Variants in RAB30 observed in about 807,000 individuals in gnomAD.
The protein encoded by RAB30 is RAB30, member RAS oncogene family.
Under a neutral mutation model 25.1 loss-of-function variants are expected in RAB30, and 9 were observed. That is an observed-to-expected ratio of 0.36 (90% CI 0.22 to 0.63). The LOEUF (loss-of-function observed/expected upper bound fraction) is 0.63, where lower values mean the gene tolerates loss of function less well. Among genes scored for constraint, RAB30 ranks in the 20% least tolerant of loss-of-function variants. RAB30 has a pLI of 0.69. For synonymous variants in RAB30, 77 were observed against 86.4 expected, an observed-to-expected ratio of 0.89 and a Z score of 0.60; for missense variants, 140 against 243.5, an observed-to-expected ratio of 0.58 and a Z score of 2.83.
At chr11:82,998,905 A>T (rs7130643) in intron 1 of RAB30, among the ~76,000 whole-genome samples, 2,490 of 152,220 alleles carry the variant, frequency 0.016, 85 homozygotes, top group African/African-American at 0.058. Flanking sequence ...TGGAGCTCAA[A>T]TGCCTGCAGG....
In RAB30 at chr11:82,973,557, T is replaced by C. The variant is rs1856491312; in HGVS notation, c.*8608A>G. The C allele has an allele frequency of 6.6e-6, 1 of 152,222 alleles. No homozygotes were observed. The highest frequency in any genetic ancestry group is 2.1e-4 in the South Asian group (1 of 4,830). 9.4% of individuals were successfully genotyped at this position (152,222 alleles called of 1,614,324 possible). A position where few individuals can be genotyped will look rare whatever the true frequency, so the allele number is the denominator to read the frequency against. On this transcript the variant is annotated 3_prime_UTR_variant, in exon 5 of 5. Transcript: ENST00000527633. ...CAATTTCTACAAGACTGAAACAGTCTTCATGAAATTGATTGCTTATCACAT... is the reference window on the plus strand; with the variant it reads ...CAATTTCTACAAGACTGAAACAGTCCTCATGAAATTGATTGCTTATCACAT...
At chr11:83,013,716 T>C (rs957646909) in intron 1 of RAB30, among the ~76,000 whole-genome samples, 1 of 152,162 alleles carries the variant, frequency 6.6e-6, no homozygotes, top group African/African-American at 2.4e-5. Context: ...TCTGTGTGCG[T>C]TGGAGGACCC....
chr11:82,993,446 A>G (rs1856898000), intron 3 of RAB30, among the ~76,000 whole-genome samples: 1 of 152,230 alleles, frequency 6.6e-6, no homozygotes, highest in Non-Finnish European at 1.5e-5. Context: ...AGAGGCACTG[A>G]CAGATTGTAG....
intron 1 of RAB30, among the ~76,000 whole-genome samples, chr11:83,031,753 C>T (rs941959994): frequency 9.9e-5 from 15 of 152,136 alleles, no homozygotes; most frequent in African/African-American, 3.6e-4. Context: ...TCTCGAACTC[C>T]CAACTTCAGG....
chr11:83,027,824 G>T (rs189579500), intron 1 of RAB30, among the ~76,000 whole-genome samples: 2 of 151,952 alleles, frequency 1.3e-5, no homozygotes, highest in Non-Finnish European at 1.5e-5. Context: ...CTCCCCAGCC[G>T]CAAGTAACTA....
intron 1 of RAB30, among the ~76,000 whole-genome samples, chr11:83,031,715 T>C (rs964406942): frequency 3.3e-5 from 5 of 152,078 alleles, no homozygotes; most frequent in African/African-American, 1.2e-4. Context: ...TTAGGAGAGA[T>C]GGGGTTTCTC....
chr11:83,017,108 T>C (rs932961243), intron 1 of RAB30, among the ~76,000 whole-genome samples: 1 of 151,998 alleles, frequency 6.6e-6, no homozygotes, highest in African/African-American at 2.4e-5. Context: ...GGAGGCTGAG[T>C]TGGGCAGATT....
chr11:83,043,107 A>G (rs1425147328), intron 1 of RAB30, among the ~76,000 whole-genome samples: 1 of 152,176 alleles, frequency 6.6e-6, no homozygotes, highest in African/African-American at 2.4e-5. Context: ...CATCAAGAGG[A>G]GCATGTGACT....
chr11:82,983,701 TG>T (rs1565266286), intron 4 of RAB30, among the ~76,000 whole-genome samples: 1 of 152,106 alleles, frequency 6.6e-6, no homozygotes, highest in Non-Finnish European at 1.5e-5. Flanking sequence ...CCAGAAGTGC[TG>T]GGATTACACG....
intron 1 of RAB30, among the ~76,000 whole-genome samples, chr11:83,050,696 G>A (rs2121517988): frequency 1.3e-5 from 2 of 152,082 alleles, no homozygotes; most frequent in South Asian, 4.2e-4. Flanking sequence ...ATTTTTGACT[G>A]GTTGGAAACT....
chr11:83,065,501 T>C (rs775309977), intron 1 of RAB30, among the ~76,000 whole-genome samples: 3 of 152,168 alleles, frequency 2.0e-5, no homozygotes, highest in Non-Finnish European at 2.9e-5. Flanking sequence ...GCTCAAGTAA[T>C]CTTCCTGCCG....
intron 1 of RAB30, among the ~76,000 whole-genome samples, chr11:83,031,320 A>T (rs1033807391): frequency 3.3e-5 from 5 of 152,182 alleles, no homozygotes; most frequent in Admixed American, 1.3e-4. Flanking sequence ...TTTTCATGTC[A>T]TTGACTTGTT....
chr11:83,006,818 G>C (rs1180226324), intron 1 of RAB30, among the ~76,000 whole-genome samples: 1 of 152,164 alleles, frequency 6.6e-6, no homozygotes, highest in East Asian at 1.9e-4. Flanking sequence ...TTCATTGTGT[G>C]TATCACTGCT....
intron 1 of RAB30, among the ~76,000 whole-genome samples, chr11:83,011,617 G>A (rs948184): frequency 0.57 from 87,171 of 152,028 alleles, 25,566 homozygotes; most frequent in African/African-American, 0.72. Flanking sequence ...CTGAAAACAA[G>A]AAGATACAAT....
At chr11:82,984,553 C>T (rs1157900867) in intron 4 of RAB30, among the ~76,000 whole-genome samples, 2 of 152,164 alleles carry the variant, frequency 1.3e-5, no homozygotes, top group Admixed American at 6.5e-5. Context: ...CACGATGCCA[C>T]GCGTGGTCTA....
chr11:82,998,496 C>T lies in RAB30; in HGVS notation c.-8-1172G>A, dbSNP rs555646432. 6.1e-5 allele frequency among the ~76,000 whole-genome samples: 9 copies of T among 147,688 alleles called. No homozygotes were observed. The South Asian group carries it at 1.3e-3, about 21-fold the overall frequency. On this transcript the variant is annotated intron_variant, in intron 1 of 4. Transcript: ENST00000527633. ...CTGGGAGGCAGAGGTTGCAGTGAGC[C>T]GAGATCACACCACCGCACTCCAGCC...
In RAB30 at chr11:82,981,775, T is replaced by A. The variant is rs2121427209; in HGVS notation, c.*390A>T. Reference sequence around the variant, plus strand: ...AAGAAAACCAGGGCCCCCAGATGATTACCACCGAAGCCCTAAAGAAGAGTT... The same window carrying A: ...AAGAAAACCAGGGCCCCCAGATGATAACCACCGAAGCCCTAAAGAAGAGTT... On this transcript the variant is annotated 3_prime_UTR_variant, in exon 5 of 5. Transcript: ENST00000527633. 1 of 169,758 alleles carries A rather than the reference T, an allele frequency of 5.9e-6. No individual in the cohort carries two copies. Among genetic ancestry groups the A allele is most frequent in the East Asian group, 1.6e-4 (1 of 6,224 alleles). 10.5% of individuals were successfully genotyped at this position (169,758 alleles called of 1,614,324 possible).
intron 1 of RAB30, among the ~76,000 whole-genome samples, chr11:83,007,671 G>A (rs1184471014): frequency 6.6e-6 from 1 of 152,156 alleles, no homozygotes; most frequent in Non-Finnish European, 1.5e-5. Flanking sequence ...AAGGGAAGAG[G>A]CCACCGCTTA....
intron 1 of RAB30, among the ~76,000 whole-genome samples, chr11:83,024,839 G>A (rs1312871692): frequency 1.3e-5 from 2 of 152,214 alleles, no homozygotes; most frequent in East Asian, 3.8e-4. Flanking sequence ...GTGAAGTAAA[G>A]AACCCTACTT....
Sources: allele counts gnomAD v4.1 joint callset (sites outside exome capture counted in the v4.1 genomes callset), GRCh38; gene constraint gnomAD v4.1.1; transcripts MANE v1.5; gene names NCBI Gene and HGNC (gene_info 2026-07-23, HGNC 2026-07-21).